The following GREM1 variants were observed in gnomAD, a reference collection of about 807,000 sequenced individuals.
GREM1 encodes the protein gremlin-1.
Under a neutral mutation model 13.1 loss-of-function variants are expected in GREM1, and 6 were observed. That is an observed-to-expected ratio of 0.46 (90% confidence interval 0.25 to 0.91). The LOEUF is 0.91. Among genes scored for constraint, GREM1 ranks in the 40% least tolerant of loss-of-function variants. The probability of loss-of-function intolerance (pLI) is 0.18; values close to 1 mark genes in which losing one functional copy is unlikely to be tolerated. For missense variants in GREM1, 185 were observed against 233.9 expected (o/e 0.79, Z 1.36); for synonymous variants, 98 against 93.7 (o/e 1.05, Z -0.27).
Position 32,738,237 on chromosome 15 carries a change from A to G in GREM1, c.*6992A>G, listed in dbSNP as rs1265559933. 3.9e-5 allele frequency: 6 copies of G among 151,950 alleles called. No homozygotes were observed. Among genetic ancestry groups the G allele is most frequent in the African/African-American group, 1.2e-4 (5 of 41,418 alleles). The allele number at this position is 151,950 out of a possible 1,614,324, so 9.4% of individuals were successfully genotyped here. A position where few individuals can be genotyped will look rare whatever the true frequency, so the allele number is the denominator to read the frequency against. Reference sequence around the variant, plus strand: ...ATCCTAAGGAATTTACAAAAGAACTATTAGAGCTAATACATGATTTCAGCA... The same window carrying G: ...ATCCTAAGGAATTTACAAAAGAACTGTTAGAGCTAATACATGATTTCAGCA... On this transcript the variant is annotated 3_prime_UTR_variant, in exon 2 of 2. Coordinates refer to ENST00000651154, the MANE Select transcript of GREM1 (RefSeq NM_013372.7).
intron 1 of GREM1, among the ~76,000 whole-genome samples, chr15:32,719,670 A>C (rs2055372114): frequency 6.6e-6 from 1 of 152,164 alleles, no homozygotes; most frequent in South Asian, 2.1e-4. Flanking sequence ...CAGGACACGA[A>C]CTGATTAAAA....
chr15:32,727,757 A>C (rs1268256622), intron 1 of GREM1, among the ~76,000 whole-genome samples: 2 of 152,242 alleles, frequency 1.3e-5, no homozygotes, highest in Non-Finnish European at 2.9e-5. Context: ...ATCTCAGCCC[A>C]AAATCTCCTT....
chr15:32,732,220 C>T lies in GREM1; in HGVS notation c.*975C>T, dbSNP rs1595853457. 1 of 240,134 alleles carries T rather than the reference C, an allele frequency of 4.2e-6. No homozygotes were observed. Among genetic ancestry groups the T allele is most frequent in the African/African-American group, 2.2e-5 (1 of 44,974 alleles). The allele number at this position is 240,134 out of a possible 1,614,324, so 14.9% of individuals were successfully genotyped here. ...GGTGGAAAAGAGAGGTAGTTTAGAA[C>T]TCTCTGCATAGGGGTGGGAATTAAT... On this transcript the variant is annotated 3_prime_UTR_variant, in exon 2 of 2. Transcript: ENST00000651154.
chr15:32,741,163 G>A lies in GREM1; in HGVS notation c.*9918G>A, dbSNP rs1391955004. ...AGTAATAAATGTCTATACTTAAGGG[G>A]TGAGGATTGATATATTTAAAGTGAA... On this transcript the variant is annotated 3_prime_UTR_variant, in exon 2 of 2. Transcript: ENST00000651154. 2 of 152,180 alleles carry A rather than the reference G, an allele frequency of 1.3e-5. No individual in the cohort carries two copies. Among genetic ancestry groups the A allele is most frequent in the South Asian group, 2.1e-4 (1 of 4,818 alleles). The allele number at this position is 152,180 out of a possible 1,614,324, so 9.4% of individuals were successfully genotyped here.
intron 1 of GREM1, among the ~76,000 whole-genome samples, chr15:32,725,558 T>G (rs1424961468): frequency 6.6e-6 from 1 of 152,232 alleles, no homozygotes; most frequent in African/African-American, 2.4e-5. Flanking sequence ...ATGGATAGAC[T>G]GCAAAAATTT....
Position 32,733,916 on chromosome 15 carries a change from G to A in GREM1, c.*2671G>A. On this transcript the variant is annotated 3_prime_UTR_variant, in exon 2 of 2. Coordinates refer to ENST00000651154, the MANE Select transcript of GREM1 (RefSeq NM_013372.7). The stretch of plus-strand genomic sequence containing the variant: ...TAGGTCTTCAAAGTTAAGAGTGTAA[G>A]TGAAAAATCTGGAGGAGAGGATAAT... 4.2e-6 allele frequency: 1 copy of A among 240,368 alleles called. No individual in the cohort carries two copies. The highest frequency in any genetic ancestry group is 8.8e-6 in the Non-Finnish European group (1 of 113,322). The allele number at this position is 240,368 out of a possible 1,614,324, so 14.9% of individuals were successfully genotyped here. A position where few individuals can be genotyped will look rare whatever the true frequency, so the allele number is the denominator to read the frequency against.
chr15:32,729,071 T>C (rs1306516589), intron 1 of GREM1, among the ~76,000 whole-genome samples: 1 of 151,812 alleles, frequency 6.6e-6, no homozygotes, highest in Non-Finnish European at 1.5e-5. Context: ...TCACCCAGGC[T>C]GGAGTGCAGT....
At chr15:32,721,843 T>G (rs2055414889) in intron 1 of GREM1, among the ~76,000 whole-genome samples, 1 of 152,242 alleles carries the variant, frequency 6.6e-6, no homozygotes, top group Non-Finnish European at 1.5e-5. Flanking sequence ...TGCTGCTCAG[T>G]GAACATTTAA....
chr15:32,728,136 C>T (rs1180354296), intron 1 of GREM1, among the ~76,000 whole-genome samples: 2 of 152,140 alleles, frequency 1.3e-5, no homozygotes, highest in African/African-American at 2.4e-5. Context: ...AAAAAAACTA[C>T]TTTAAATTTC....
At chr15:32,718,501 G>A (rs1465066105) in intron 1 of GREM1, 3 of 460,702 alleles carry the variant, frequency 6.5e-6, no homozygotes, top group Non-Finnish European at 1.3e-5. Flanking sequence ...CCCGCTTAGC[G>A]AGGGCGCGAA....
At position 32,718,256 on chromosome 15, in the gene GREM1, C is replaced by T. The variant is rs748539676; in HGVS notation, c.-2+95C>T. ...CCGCTCAGTTCCACGCGCGGCAGCC[C>T]TCCGTGCGCGCAGGCTCGGGTGCGT... On this transcript the variant is annotated intron_variant, in intron 1 of 1. Transcript: ENST00000651154. 7.0e-6 allele frequency: 7 copies of T among 994,620 alleles called. No homozygotes were observed. In the South Asian group the frequency reaches 8.1e-5, roughly 11 times the overall value. The allele number at this position is 994,620 out of a possible 1,614,324, so 61.6% of individuals were successfully genotyped here.
At chr15:32,718,349 C>T (rs182041333) in intron 1 of GREM1, 188 bp downstream of exon 1, 9 of 516,076 alleles carry the variant, frequency 1.7e-5, no homozygotes, top group African/African-American at 1.7e-4. Context: ...GACACCGTGA[C>T]CTCGCTGCTC....
At chr15:32,722,977 T>C (rs942938090) in intron 1 of GREM1, among the ~76,000 whole-genome samples, 1 of 152,142 alleles carries the variant, frequency 6.6e-6, no homozygotes. Context: ...GCACCCTGAG[T>C]CTATGAGATG....
At chr15:32,723,943 A>G (rs748861141) in intron 1 of GREM1, among the ~76,000 whole-genome samples, 6 of 152,220 alleles carry the variant, frequency 3.9e-5, no homozygotes, top group Non-Finnish European at 5.9e-5. Context: ...TAGACATCCA[A>G]AGGATAGCAA....
rs933480324 is a variant in GREM1 at position 32,733,715 on chromosome 15, T to C, written c.*2470T>C. 1.7e-5 allele frequency: 4 copies of C among 229,270 alleles called. No individual in the cohort carries two copies. The highest frequency in any genetic ancestry group is 5.8e-5 in the Admixed American group (1 of 17,164). The allele number at this position is 229,270 out of a possible 1,614,324, so 14.2% of individuals were successfully genotyped here. ...ATTCGAGTCACTGATGATGTAATGA[T>C]ATATTTTTTCATTATTATAGTAGAA... is the stretch of plus-strand genomic sequence containing the variant. On this transcript the variant is annotated 3_prime_UTR_variant, in exon 2 of 2. Transcript: ENST00000651154.
intron 1 of GREM1, 119 bp from the exon 2 acceptor site, chr15:32,730,571 G>A (rs2055597879): frequency 1.5e-6 from 1 of 681,448 alleles, no homozygotes; most frequent in Middle Eastern, 4.1e-4. Flanking sequence ...AGAAGTAAAT[G>A]GAATATTTCA....
Position 32,733,416 on chromosome 15 carries a change from A to G in GREM1, c.*2171A>G, listed in dbSNP as rs888182988. The G allele has an allele frequency of 2.2e-5, 5 of 228,872 alleles. No individual in the cohort carries two copies. The highest frequency in any genetic ancestry group is 1.9e-4 in the South Asian group (1 of 5,384). 14.2% of individuals were successfully genotyped at this position (228,872 alleles called of 1,614,324 possible). A position where few individuals can be genotyped will look rare whatever the true frequency, so the allele number is the denominator to read the frequency against. ...GTTTTAACTCTGCCACAAGAATGCA[A>G]TTTCGTTAACGGAGATGACTTAAGT... On this transcript the variant is annotated 3_prime_UTR_variant, in exon 2 of 2. Transcript: ENST00000651154.
intron 1 of GREM1, among the ~76,000 whole-genome samples, chr15:32,726,440 A>G (rs923556641): frequency 9.9e-5 from 15 of 152,236 alleles, no homozygotes; most frequent in African/African-American, 3.4e-4. Flanking sequence ...AGGTTCTTTG[A>G]AAGAAATGAG....
chr15:32,723,721 C>T (rs1452261395), intron 1 of GREM1, among the ~76,000 whole-genome samples: 2 of 151,370 alleles, frequency 1.3e-5, no homozygotes, highest in Non-Finnish European at 2.9e-5. Context: ...CAAATTAAAA[C>T]TGAAAACCAC....
Sources: allele counts gnomAD v4.1 joint callset (sites outside exome capture counted in the v4.1 genomes callset), GRCh38; gene constraint gnomAD v4.1.1; transcripts MANE v1.5; gene names NCBI Gene and HGNC (gene_info 2026-07-23, HGNC 2026-07-21).